Variants in ASZ1 observed in about 807,000 individuals in gnomAD.
ASZ1 encodes ankyrin repeat, SAM and basic leucine zipper domain-containing protein 1.
A neutral mutation model predicts 61.8 loss-of-function variants in ASZ1; 67 were observed. That is an observed-to-expected ratio of 1.08 (90% CI 0.89 to 1.33). The LOEUF is 1.33. Ranked by LOEUF, ASZ1 falls within the 40% of genes most tolerant of loss-of-function variation. The probability of loss-of-function intolerance (pLI) is 0.00; values close to 1 mark genes in which losing one functional copy is unlikely to be tolerated. For synonymous variants in ASZ1, 193 were observed against 192.7 expected, an observed-to-expected ratio of 1.00 and a Z score of -0.01; for missense variants, 577 against 554.5, an observed-to-expected ratio of 1.04 and a Z score of -0.41.
intron 4 of ASZ1, among the ~76,000 whole-genome samples, chr7:117,391,014 A>C (rs1433828553): frequency 6.6e-6 from 1 of 151,960 alleles, no homozygotes; most frequent in Non-Finnish European, 1.5e-5. Flanking sequence ...ACTTTTTAAT[A>C]ATAGCCATTC....
At chr7:117,407,297 G>A (rs1170207153) in intron 4 of ASZ1, among the ~76,000 whole-genome samples, 3 of 151,942 alleles carry the variant, frequency 2.0e-5, no homozygotes, top group Non-Finnish European at 2.9e-5. Flanking sequence ...ACATACAAAG[G>A]GGTACACTTC....
At chr7:117,412,360 T>C (rs1385374791) in intron 4 of ASZ1, among the ~76,000 whole-genome samples, 1 of 151,902 alleles carries the variant, frequency 6.6e-6, no homozygotes, top group African/African-American at 2.4e-5. Flanking sequence ...AAAAATTCTT[T>C]ATGAAATAAT....
chr7:117,402,976 T>A (rs1796709154), intron 4 of ASZ1, among the ~76,000 whole-genome samples: 1 of 151,782 alleles, frequency 6.6e-6, no homozygotes, highest in South Asian at 2.1e-4. Context: ...CATGATATCA[T>A]CAATTTAATG....
intron 10 of ASZ1, among the ~76,000 whole-genome samples, chr7:117,378,648 C>A (rs1796184279): frequency 6.6e-6 from 1 of 151,994 alleles, no homozygotes. Flanking sequence ...TATGCAACCA[C>A]CGTACAACCT....
chr7:117,421,458 TCCTG>T (rs1282272521), intron 3 of ASZ1, among the ~76,000 whole-genome samples: 1 of 152,148 alleles, frequency 6.6e-6, no homozygotes, highest in Non-Finnish European at 1.5e-5. Context: ...CAAGTGATCC[TCCTG>T]CCTTAGACTC....
intron 4 of ASZ1, among the ~76,000 whole-genome samples, chr7:117,392,883 GT>G (rs1487565465): frequency 7.2e-6 from 1 of 139,646 alleles, no homozygotes; most frequent in Non-Finnish European, 1.5e-5. Flanking sequence ...GTCTCACTCT[GT>G]TGCCCAGGCT....
chr7:117,420,362 C>T (rs1210554556), intron 3 of ASZ1, 88 bp from the exon 4 acceptor site: 2 of 854,338 alleles, frequency 2.3e-6, no homozygotes, highest in African/African-American at 1.7e-5. Flanking sequence ...TCTATTATTG[C>T]ACTCTAAAAC....
intron 8 of ASZ1, 73 bp downstream of exon 8, chr7:117,381,992 GAATT>G: frequency 1.1e-6 from 1 of 894,746 alleles, no homozygotes; most frequent in Non-Finnish European, 1.8e-6. Context: ...ACATGTTTAT[GAATT>G]AATATCTAAC....
rs1455536911 is a variant in ASZ1 at position 117,414,909 on chromosome 7, T to C, written c.440+5254A>G. On this transcript the variant is annotated intron_variant, in intron 4 of 12. Coordinates refer to ENST00000284629, the MANE Select transcript of ASZ1 (RefSeq NM_130768.3). ...GATGGGCATTTGGGTTGGTTCCAAGTCTTTGCTATTGTGAACAGTGCCGCA... is the reference window on the plus strand; with the variant it reads ...GATGGGCATTTGGGTTGGTTCCAAGCCTTTGCTATTGTGAACAGTGCCGCA... Among the ~76,000 whole-genome samples, 7 of 152,092 alleles carry C rather than the reference T, an allele frequency of 4.6e-5. No individual in the cohort carries two copies. The East Asian group carries it at 1.3e-3, about 29-fold the overall frequency.
intron 12 of ASZ1, among the ~76,000 whole-genome samples, chr7:117,365,664 A>T (rs1358262470): frequency 3.3e-5 from 5 of 152,172 alleles, no homozygotes; most frequent in Non-Finnish European, 5.9e-5. Context: ...GAAAAATGGC[A>T]TGTTTAAGTA....
intron 4 of ASZ1, among the ~76,000 whole-genome samples, chr7:117,409,824 G>T (rs148183324): frequency 7.2e-5 from 11 of 151,762 alleles, no homozygotes; most frequent in African/African-American, 2.6e-4. Context: ...TTCCAAGAAA[G>T]AAAAATATTG....
chr7:117,382,963 T>C (rs992255906), intron 7 of ASZ1, 23 bp downstream of exon 7: 1 of 1,524,314 alleles, frequency 6.6e-7, no homozygotes, highest in Non-Finnish European at 8.8e-7. Context: ...GGTATTCTGT[T>C]GAACTAAAAC....
At chr7:117,407,760 G>C (rs1320760058) in intron 4 of ASZ1, among the ~76,000 whole-genome samples, 2 of 152,140 alleles carry the variant, frequency 1.3e-5, no homozygotes, top group Non-Finnish European at 2.9e-5. Flanking sequence ...GACAGGCATC[G>C]TGACATAGTG....
intron 9 of ASZ1, 25 bp from the exon 10 acceptor site, chr7:117,380,072 C>G: frequency 6.9e-7 from 1 of 1,445,778 alleles, no homozygotes; most frequent in Non-Finnish European, 9.6e-7. Flanking sequence ...TTTTAAGGTA[C>G]AGTAAGTTAG....
chr7:117,396,678 G>C (rs1188719619), intron 4 of ASZ1, among the ~76,000 whole-genome samples: 7 of 152,144 alleles, frequency 4.6e-5, no homozygotes, highest in Admixed American at 2.6e-4. Flanking sequence ...AATACTTCAA[G>C]TGGTTAAGAT....
intron 4 of ASZ1, among the ~76,000 whole-genome samples, chr7:117,399,790 G>A (rs1796645636): frequency 6.6e-6 from 1 of 151,998 alleles, no homozygotes; most frequent in Admixed American, 6.6e-5. Flanking sequence ...AATGGTGATG[G>A]TTTCAGAATG....
rs1437862467 is a variant in ASZ1 at position 117,421,007 on chromosome 7, C to T, written c.329-733G>A. ...ATTAGATTTAACATACAGATAAGAA[C>T]CTAGTATCTGCCCTTTGTATGTAAC... On this transcript the variant is annotated intron_variant, in intron 3 of 12. Coordinates refer to ENST00000284629, the MANE Select transcript of ASZ1 (RefSeq NM_130768.3). Among the ~76,000 whole-genome samples, 4 of 152,244 alleles carry T rather than the reference C, an allele frequency of 2.6e-5. No homozygotes were observed. The South Asian group carries it at 8.3e-4, about 32-fold the overall frequency.
intron 4 of ASZ1, among the ~76,000 whole-genome samples, chr7:117,403,852 T>A (rs1422990285): frequency 1.3e-5 from 2 of 152,146 alleles, no homozygotes; most frequent in Non-Finnish European, 2.9e-5. Context: ...AGCATTACCA[T>A]CTGAGCTCCA....
chr7:117,395,250 T>C (rs1205617260), intron 4 of ASZ1, among the ~76,000 whole-genome samples: 4 of 152,192 alleles, frequency 2.6e-5, no homozygotes, highest in Non-Finnish European at 5.9e-5. Context: ...AATATTTTAA[T>C]AGCTTTGTAT....
Sources: allele counts gnomAD v4.1 joint callset (sites outside exome capture counted in the v4.1 genomes callset), GRCh38; gene constraint gnomAD v4.1.1; transcripts MANE v1.5; gene names NCBI Gene and HGNC (gene_info 2026-07-23, HGNC 2026-07-21).